Variants in ZNF174 observed in about 807,000 individuals in gnomAD.
ZNF174 encodes AW-1.
In ZNF174, 30 loss-of-function variants were observed where a neutral mutation model predicts 38.7. The ratio of observed to expected loss-of-function variants is 0.78; its 90% CI spans 0.58 to 1.05. The LOEUF (loss-of-function observed/expected upper bound fraction) is 1.05, where lower values mean the gene tolerates loss of function less well. Ranked by LOEUF, ZNF174 falls within the 50% of genes least tolerant of loss-of-function variation. ZNF174 has a pLI of 0.00. For missense variants in ZNF174, 499 were observed against 495.6 expected (o/e 1.01, Z -0.06); for synonymous variants, 201 against 181.7 (o/e 1.11, Z -0.86).
Position 3,409,177 on chromosome 16 carries a change from A to T in ZNF174, c.*258A>T, listed in dbSNP as rs1388330238. ...AAGTCTCTGCAGAGAGCAAGGAGTA[A>T]CTACTGAGAGAGAATCAGGACAATC... On this transcript the variant is annotated 3_prime_UTR_variant, in exon 3 of 3. Coordinates refer to ENST00000268655, the MANE Select transcript of ZNF174 (RefSeq NM_003450.3). 2.8e-5 allele frequency: 13 copies of T among 470,194 alleles called. No individual in the cohort carries two copies. The highest frequency in any genetic ancestry group is 4.2e-5 in the Non-Finnish European group (11 of 263,726). The allele number at this position is 470,194 out of a possible 1,614,324, so 29.1% of individuals were successfully genotyped here.
Position 3,402,182 on chromosome 16 carries a change from C to T in ZNF174, c.178C>T (p.Pro60Ser). 6.2e-7 allele frequency: 1 copy of T among 1,613,008 alleles called. No homozygotes were observed. The highest frequency in any genetic ancestry group is 8.5e-7 in the Non-Finnish European group (1 of 1,179,050). Residue 60 changes from proline to serine, a missense_variant, in exon 1 of 3, where the codon CCC (proline) becomes TCC (serine). Coordinates refer to ENST00000268655, the MANE Select transcript of ZNF174 (RefSeq NM_003450.3). ...CTTTTGTTATCAAGAGGTGTCTGGA[C>T]CCCAAGAGGCTCTCTCCCAGCTCCG... ...RRFCYQEVSG[P>S]QEALSQLRQL...
rs1410986309 is a variant in ZNF174, at chr16:3,402,352, G to A, written c.348G>A (p.Glu116=). The change falls in exon 1 of 3, where the codon GAG becomes GAA. Residue 116 remains glutamate, a synonymous_variant. Transcript: ENST00000268655. ...ATCGATGTCCAATGAGCAGCAAGGAGATTGTGACCCTCGTGGAAGATTTTC... is the reference window on the plus strand; with the variant it reads ...ATCGATGTCCAATGAGCAGCAAGGAAATTGTGACCCTCGTGGAAGATTTTC... ...VRHRCPMSSK[E]IVTLVEDFHR... 6.2e-7 allele frequency: 1 copy of A among 1,613,938 alleles called. No individual in the cohort carries two copies. The highest frequency in any genetic ancestry group is 1.3e-5 in the African/African-American group (1 of 74,906).
chr16:3,405,963 G>A (rs778162295), intron 2 of ZNF174, among the ~76,000 whole-genome samples: 5 of 152,202 alleles, frequency 3.3e-5, no homozygotes, highest in Admixed American at 6.5e-5. Flanking sequence ...AACTGAGATC[G>A]TGCCACTGCA....
rs2033952475 is a variant in ZNF174, at chr16:3,402,482, G to A, written c.402+76G>A. 10 of 1,418,168 alleles carry A rather than the reference G, an allele frequency of 7.1e-6. No individual in the cohort carries two copies. In the South Asian group the frequency reaches 7.7e-5, roughly 11 times the overall value. 87.8% of individuals were successfully genotyped at this position (1,418,168 alleles called of 1,614,324 possible). A position where few individuals can be genotyped will look rare whatever the true frequency, so the allele number is the denominator to read the frequency against. On this transcript the variant is annotated intron_variant, in intron 1 of 2. Coordinates refer to ENST00000268655, the MANE Select transcript of ZNF174 (RefSeq NM_003450.3). Reference sequence around the variant, plus strand: ...TTTTTTTTTTTTCTTTTTTTGAGACGGAATCTTGCTCTTTCGCCCAGGCCC... The same window carrying A: ...TTTTTTTTTTTTCTTTTTTTGAGACAGAATCTTGCTCTTTCGCCCAGGCCC...
Position 3,404,544 on chromosome 16 carries a change from C to G in ZNF174, c.521C>G (p.Ser174Cys). Residue 174 changes from serine to cysteine, a missense_variant, in exon 2 of 3, where the codon TCT (serine) becomes TGT (cysteine). Physicochemically the swap from Ser to Cys is moderately radical, Grantham distance 112. Coordinates refer to ENST00000268655, the MANE Select transcript of ZNF174 (RefSeq NM_003450.3). ...CCTAGGAGAGATCTCAGGGAGAGCT[C>G]TCCAGCAGAGCCTTCCCAGGCAGGA... is the stretch of plus-strand genomic sequence containing the variant. ...QTPRRDLRESSPAEPSQAGAY... is the reference protein window; with the variant it reads ...QTPRRDLRESCPAEPSQAGAY... 1 of 1,614,196 alleles carries G rather than the reference C, an allele frequency of 6.2e-7. No individual in the cohort carries two copies. Among genetic ancestry groups the G allele is most frequent in the East Asian group, 2.2e-5 (1 of 44,876 alleles).
At chr16:3,403,489 T>A (rs2033999299) in intron 1 of ZNF174, among the ~76,000 whole-genome samples, 1 of 124,170 alleles carries the variant, frequency 8.1e-6, no homozygotes, top group Admixed American at 7.4e-5. Context: ...TGTCTTTGAT[T>A]TTTTTTTTTT....
chr16:3,401,761 C>T lies in ZNF174; in HGVS notation c.-244C>T. 2 of 481,420 alleles carry T rather than the reference C, an allele frequency of 4.2e-6. No homozygotes were observed. The highest frequency in any genetic ancestry group is 7.3e-6 in the Non-Finnish European group (2 of 273,278). 29.8% of individuals were successfully genotyped at this position (481,420 alleles called of 1,614,324 possible). A position where few individuals can be genotyped will look rare whatever the true frequency, so the allele number is the denominator to read the frequency against. ...CCTTTTAGGACGTTATGACTTTTCT[C>T]CTTTGCAAGACTGCAAAAAACTGAC... On this transcript the variant is annotated 5_prime_UTR_variant, in exon 1 of 3. Coordinates refer to ENST00000268655, the MANE Select transcript of ZNF174 (RefSeq NM_003450.3).
chr16:3,404,595 A>T lies in ZNF174; in HGVS notation c.572A>T (p.His191Leu). The change falls in exon 2 of 3, where the codon CAT becomes CTT. Residue 191 changes from histidine (H) to leucine (L), a missense_variant. Transcript: ENST00000268655. ...AGAYDRLSPH[H>L]WEKSPLLQEP... is the part of the protein sequence containing the mutation. Reference sequence around the variant, plus strand: ...GCTTATGACCGGCTGAGCCCCCATCATTGGGAGAAATCCCCACTCCTCCAA... The same window carrying T: ...GCTTATGACCGGCTGAGCCCCCATCTTTGGGAGAAATCCCCACTCCTCCAA... The T allele has an allele frequency of 6.2e-7, 1 of 1,614,184 alleles. No individual in the cohort carries two copies. Among genetic ancestry groups the T allele is most frequent in the South Asian group, 1.1e-5 (1 of 91,090 alleles).
rs2034021535 is a variant in ZNF174, at chr16:3,404,490, A to G, written c.467A>G (p.Gln156Arg). 1.2e-6 allele frequency: 2 copies of G among 1,613,332 alleles called. No individual in the cohort carries two copies. Among genetic ancestry groups the G allele is most frequent in the African/African-American group, 1.3e-5 (1 of 75,046 alleles). ...LEKTGSQLGEQELPDFQPQTP... is the reference protein window; with the variant it reads ...LEKTGSQLGERELPDFQPQTP... Reference sequence around the variant, plus strand: ...AAAACTGGATCTCAGCTTGGAGAACAGGAACTGCCAGACTTTCAACCGCAG... The same window carrying G: ...AAAACTGGATCTCAGCTTGGAGAACGGGAACTGCCAGACTTTCAACCGCAG... Residue 156 changes from glutamine (Q) to arginine (R), a missense_variant, in exon 2 of 3, where the codon CAG (glutamine) becomes CGG (arginine). Physicochemically the swap from Gln to Arg is conservative, Grantham distance 43 (BLOSUM62 1). Coordinates refer to ENST00000268655, the MANE Select transcript of ZNF174 (RefSeq NM_003450.3).
rs1163611966 is a variant in ZNF174 at position 3,401,791 on chromosome 16, A to C, written c.-214A>C. ...GCAAGACTGCAAAAAACTGACAAGA[A>C]GACAAAACTCTTCCCACTCCCAGGG... On this transcript the variant is annotated 5_prime_UTR_variant, in exon 1 of 3. Coordinates refer to ENST00000268655, the MANE Select transcript of ZNF174 (RefSeq NM_003450.3). 3 of 562,504 alleles carry C rather than the reference A, an allele frequency of 5.3e-6. No individual in the cohort carries two copies. In the East Asian group the frequency reaches 9.8e-5, roughly 18 times the overall value. 34.8% of individuals were successfully genotyped at this position (562,504 alleles called of 1,614,324 possible). A position where few individuals can be genotyped will look rare whatever the true frequency, so the allele number is the denominator to read the frequency against.
chr16:3,404,386 G>C (rs776514097), intron 1 of ZNF174, 40 bp from the exon 2 acceptor site: 1 of 1,556,558 alleles, frequency 6.4e-7, no homozygotes, highest in East Asian at 2.3e-5. Context: ...GCTTCCCTCA[G>C]TCCTGATGGA....
At chr16:3,402,453 C>CTTTTTTTTTTTTTTTTTTTT (rs56903674) in intron 1 of ZNF174, 47 bp downstream of exon 1, 1 of 1,197,440 alleles carries the variant, frequency 8.4e-7, no homozygotes, top group Non-Finnish European at 1.1e-6. Context: ...TTTTTCTTTT[C>CTTTTTTTTTTTTTTTTTTTT]TTTTTTTTTT....
In ZNF174 at chr16:3,401,217, C is replaced by T. The variant is rs565125662; in HGVS notation, c.-788C>T. The T allele has an allele frequency of 2.4e-3, 373 of 152,464 alleles. 24 individuals are homozygous for T. In the South Asian group the frequency reaches 0.074, roughly 30 times the overall value. The allele number at this position is 152,464 out of a possible 1,614,324, so 9.4% of individuals were successfully genotyped here. On this transcript the variant is annotated 5_prime_UTR_variant, in exon 1 of 3. Coordinates refer to ENST00000268655, the MANE Select transcript of ZNF174 (RefSeq NM_003450.3). ...CGAGTGGCATCGGCCCCGCCCCCAG[C>T]CCGTGCTCGCCGGTGTCGGGTCCTA...
In ZNF174 at chr16:3,401,445, G is replaced by A. The variant is rs747409141; in HGVS notation, c.-560G>A. On this transcript the variant is annotated 5_prime_UTR_variant, in exon 1 of 3. Transcript: ENST00000268655. ...CCGCCCTGGAGGCCGGAGCCACTGG[G>A]CCTGCGGCGCCTCGGCAGCGAGCAG... 1 of 152,946 alleles carries A rather than the reference G, an allele frequency of 6.5e-6. No homozygotes were observed. Among genetic ancestry groups the A allele is most frequent in the Admixed American group, 6.5e-5 (1 of 15,294 alleles). 9.5% of individuals were successfully genotyped at this position (152,946 alleles called of 1,614,324 possible).
chr16:3,406,975 AG>A (rs371622336), intron 2 of ZNF174, among the ~76,000 whole-genome samples: 185 of 152,250 alleles, frequency 1.2e-3, no homozygotes, highest in African/African-American at 4.1e-3. Flanking sequence ...ATAGGTTTTG[AG>A]GTAGGGGTCT....
rs919861819 is a variant in ZNF174, at chr16:3,408,644, C to T, written c.949C>T (p.Gln317Ter). The T allele has an allele frequency of 6.2e-7, 1 of 1,614,138 alleles. No homozygotes were observed. The highest frequency in any genetic ancestry group is 8.5e-7 in the Non-Finnish European group (1 of 1,180,038). Residue 317 changes from glutamine (Q) to a stop codon, truncating the protein, a stop_gained, in exon 3 of 3, where the codon CAG becomes TAG. Transcript: ENST00000268655. LOFTEE classifies it high-confidence loss of function. Reference protein sequence around the residue: ...LSNRLQHLGHQPTRSAKKPYK... With the variant: ...LSNRLQHLGH The stretch of plus-strand genomic sequence containing the variant: ...CAACCGTTTGCAACATCTTGGTCAC[C>T]AGCCCACCCGCTCAGCAAAGAAACC...
chr16:3,403,150 CTTTTTTTTTTTTTTTTTT>C (rs753071209), intron 1 of ZNF174, among the ~76,000 whole-genome samples: 9 of 30,934 alleles, frequency 2.9e-4, no homozygotes, highest in African/African-American at 1.3e-3. Flanking sequence ...AGCTTATAGT[CTTTTTTTTTTTTTTTTTT>C]TTTTTTTTTT....
chr16:3,406,827 A>G (rs2034061778), intron 2 of ZNF174, among the ~76,000 whole-genome samples: 2 of 152,178 alleles, frequency 1.3e-5, no homozygotes, highest in South Asian at 4.1e-4. Context: ...CATATGTAAA[A>G]TAGCACTGCC....
intron 1 of ZNF174, among the ~76,000 whole-genome samples, chr16:3,403,326 C>T (rs996053140): frequency 8.6e-5 from 13 of 151,338 alleles, no homozygotes; most frequent in South Asian, 4.2e-4. Context: ...CCTGCCACCA[C>T]GCCCAGCTAA....
Sources: gnomAD v4.1 joint callset for allele counts (sites outside exome capture counted in the v4.1 genomes callset) on GRCh38, gnomAD v4.1.1 for gene constraint, MANE v1.5 for transcripts, NCBI Gene and HGNC (gene_info 2026-07-23, HGNC 2026-07-21) for gene names.